Variants in DHRSX observed in about 807,000 individuals in gnomAD.
The protein encoded by DHRSX is polyprenol dehydrogenase.
DHRSX carries 31 observed loss-of-function variants against 34.0 expected under a neutral mutation model. The observed-to-expected ratio is 0.91, with a 90% CI of 0.69 to 1.23. DHRSX has a LOEUF of 1.23. Ranked by LOEUF, DHRSX falls within the 50% of genes most tolerant of loss-of-function variation. DHRSX has a pLI of 0.00. For missense variants in DHRSX, 414 were observed against 428.1 expected (o/e 0.97, Z 0.29); for synonymous variants, 201 against 183.8 (o/e 1.09, Z -0.76).
intron 1 of DHRSX, among the ~76,000 whole-genome samples, chrX:2,495,823 C>T (rs1324100749): frequency 1.3e-5 from 2 of 152,058 alleles, no homozygotes; most frequent in Admixed American, 1.3e-4. Flanking sequence ...AGGGGGCCGG[C>T]GATTTCACGT....
chrX:2,379,595 G>GTTTTTTTTTT (rs749144665), intron 3 of DHRSX, among the ~76,000 whole-genome samples: 1 of 103,924 alleles, frequency 9.6e-6, no homozygotes, highest in African/African-American at 3.5e-5. Flanking sequence ...GGCAGTGGAG[G>GTTTTTTTTTT]TTTTTTTTTT....
chrX:2,331,619 T>C (rs1303811371), intron 3 of DHRSX, among the ~76,000 whole-genome samples: 1 of 151,834 alleles, frequency 6.6e-6, no homozygotes. Context: ...AGCTAATTTT[T>C]TTGTAGTTTT....
Position 2,405,844 on chromosome X carries a change from T to A in DHRSX, c.286+2901A>T, listed in dbSNP as rs757306995. Among the ~76,000 whole-genome samples, 4 of 151,556 alleles carry A rather than the reference T, an allele frequency of 2.6e-5. No individual in the cohort carries two copies. In the South Asian group the frequency reaches 8.4e-4, roughly 32 times the overall value. ...GAATCAAAATACACCCATCCCCCAC[T>A]TGGGGGAATTCTCAAAACACCATCT... is the stretch of plus-strand genomic sequence containing the variant. On this transcript the variant is annotated intron_variant, in intron 3 of 6. Transcript: ENST00000334651.
At chrX:2,491,554 G>A (rs2045146303) in intron 1 of DHRSX, among the ~76,000 whole-genome samples, 1 of 152,192 alleles carries the variant, frequency 6.6e-6, no homozygotes, top group Non-Finnish European at 1.5e-5. Context: ...TGCCACCTGA[G>A]CTTCATTCAC....
chrX:2,261,156 G>A (rs1008338398), intron 5 of DHRSX, among the ~76,000 whole-genome samples: 4 of 152,116 alleles, frequency 2.6e-5, no homozygotes, highest in Admixed American at 2.0e-4. Flanking sequence ...GTTGCCGTGA[G>A]CCAAGATAGC....
chrX:2,295,865 C>T (rs983657558), intron 3 of DHRSX, among the ~76,000 whole-genome samples: 1 of 152,118 alleles, frequency 6.6e-6, no homozygotes, highest in Admixed American at 6.5e-5. Context: ...AAAGCTGGGG[C>T]GCATACGCAC....
chrX:2,247,179 C>T (rs2016317719), intron 5 of DHRSX, among the ~76,000 whole-genome samples: 1 of 152,088 alleles, frequency 6.6e-6, no homozygotes, highest in African/African-American at 2.4e-5. Context: ...GAACTTCTGA[C>T]CCCAAGTGAT....
intron 1 of DHRSX, among the ~76,000 whole-genome samples, chrX:2,426,959 T>G (rs2043858283): frequency 1.3e-5 from 2 of 152,192 alleles, no homozygotes; most frequent in Non-Finnish European, 2.9e-5. Flanking sequence ...GGAAATGAAT[T>G]AGACAAAGAT....
chrX:2,494,566 TTTA>T (rs2045235636), intron 1 of DHRSX, among the ~76,000 whole-genome samples: 1 of 151,870 alleles, frequency 6.6e-6, no homozygotes, highest in Admixed American at 6.6e-5. Context: ...AAGTTTATAT[TTTA>T]TTATTATTAT....
rs192108988 is a variant in DHRSX, at chrX:2,263,600, G to A, written c.596+3140C>T. On this transcript the variant is annotated intron_variant, in intron 5 of 6. Coordinates refer to ENST00000334651, the MANE Select transcript of DHRSX (RefSeq NM_145177.3). Reference sequence around the variant, plus strand: ...GTGATCTTGGCTCACCACAACCTCCGCCTCCCGGGTTCAAGCGATTCTCCT... The same window carrying A: ...GTGATCTTGGCTCACCACAACCTCCACCTCCCGGGTTCAAGCGATTCTCCT... Among the ~76,000 whole-genome samples the A allele has an allele frequency of 4.7e-4, 68 of 145,716 alleles. No homozygotes were observed. In the South Asian group the frequency reaches 6.1e-3, roughly 13 times the overall value.
chrX:2,274,934 TAG>T (rs2041605052), intron 4 of DHRSX, among the ~76,000 whole-genome samples: 1 of 151,996 alleles, frequency 6.6e-6, no homozygotes. Context: ...TGGTGCCAGG[TAG>T]AGAGATTGGA....
At chrX:2,466,883 T>G (rs1482507478) in intron 1 of DHRSX, among the ~76,000 whole-genome samples, 1 of 151,926 alleles carries the variant, frequency 6.6e-6, no homozygotes. Flanking sequence ...CTGATCAACA[T>G]GCTGAAACCC....
intron 1 of DHRSX, among the ~76,000 whole-genome samples, chrX:2,457,770 C>T (rs1412696250): frequency 2.6e-5 from 4 of 151,486 alleles, no homozygotes; most frequent in African/African-American, 4.9e-5. Context: ...AAGACGTTCC[C>T]TAAGCATGTG....
intron 3 of DHRSX, among the ~76,000 whole-genome samples, chrX:2,340,204 G>T (rs969699390): frequency 6.6e-6 from 1 of 151,982 alleles, no homozygotes; most frequent in Non-Finnish European, 1.5e-5. Context: ...TGGGGGGCTA[G>T]GGGAGTGATA....
At chrX:2,466,267 C>T (rs2044494915) in intron 1 of DHRSX, among the ~76,000 whole-genome samples, 1 of 152,018 alleles carries the variant, frequency 6.6e-6, no homozygotes, top group Non-Finnish European at 1.5e-5. Flanking sequence ...GGAGAAGCCC[C>T]GTCTCTACTA....
chrX:2,252,019 C>T (rs1252161931), intron 5 of DHRSX, among the ~76,000 whole-genome samples: 3 of 152,018 alleles, frequency 2.0e-5, no homozygotes, highest in Admixed American at 1.3e-4. Flanking sequence ...GGGTGGATCA[C>T]CTGAGGCCAG....
At chrX:2,427,133 C>T (rs1396911158) in intron 1 of DHRSX, among the ~76,000 whole-genome samples, 1 of 152,150 alleles carries the variant, frequency 6.6e-6, no homozygotes, top group Admixed American at 6.5e-5. Flanking sequence ...AGCAGTGATT[C>T]TGGACGGAGG....
At chrX:2,252,303 C>A (rs1354367872) in intron 5 of DHRSX, among the ~76,000 whole-genome samples, 2 of 152,074 alleles carry the variant, frequency 1.3e-5, no homozygotes, top group Non-Finnish European at 2.9e-5. Context: ...TTGAGTAGTT[C>A]AGAGCTGAAG....
chrX:2,444,384 C>T (rs921605989), intron 1 of DHRSX, among the ~76,000 whole-genome samples: 4 of 152,176 alleles, frequency 2.6e-5, no homozygotes, highest in African/African-American at 7.2e-5. Flanking sequence ...AAGGCACTTA[C>T]GAGGACTCTT....
Sources: gnomAD v4.1 joint callset for allele counts (sites outside exome capture counted in the v4.1 genomes callset) on GRCh38, gnomAD v4.1.1 for gene constraint, MANE v1.5 for transcripts, NCBI Gene and HGNC (gene_info 2026-07-23, HGNC 2026-07-21) for gene names.